The following CATSPER2 variants were observed in gnomAD, a reference collection of about 807,000 sequenced individuals.
The protein encoded by CATSPER2 is cation channel sperm-associated protein 2.
CATSPER2 carries 56 observed loss-of-function variants against 68.8 expected under a neutral mutation model. The ratio of observed to expected loss-of-function variants is 0.81; its 90% CI spans 0.66 to 1.02. The LOEUF (loss-of-function observed/expected upper bound fraction) is 1.02. CATSPER2 is among the 50% of genes least tolerant of loss of function. CATSPER2 has a pLI of 0.00. For synonymous variants in CATSPER2, 198 were observed against 229.9 expected (o/e 0.86, Z 1.26); for missense variants, 582 against 642.0 (o/e 0.91, Z 1.01).
rs568338241 is a variant in CATSPER2, at chr15:43,638,371, C to A, written c.842+533G>T. ...TGGCACTATATCGGCTCACTGCAAT[C>A]TCTGCCTCCCAGATTCAAGCAATTC... On this transcript the variant is annotated intron_variant, in intron 7 of 12. Transcript: ENST00000396879. Among the ~76,000 whole-genome samples the A allele has an allele frequency of 2.9e-5, 4 of 138,496 alleles. No individual in the cohort carries two copies. In the Admixed American group the frequency reaches 3.1e-4, roughly 11 times the overall value. 90.9% of individuals were successfully genotyped at this position (138,496 alleles called of 152,430 possible).
intron 4 of CATSPER2, among the ~76,000 whole-genome samples, chr15:43,643,751 C>T (rs531934691): frequency 1.3e-5 from 2 of 152,132 alleles, no homozygotes; most frequent in South Asian, 4.2e-4. Context: ...TTATATAGCA[C>T]ATCAAACCCT....
intron 7 of CATSPER2, among the ~76,000 whole-genome samples, chr15:43,636,971 C>G (rs945413064): frequency 6.6e-6 from 1 of 151,390 alleles, no homozygotes; most frequent in Non-Finnish European, 1.5e-5. Context: ...TACAGGCATG[C>G]GCCACCATGC....
Position 43,635,387 on chromosome 15 carries a change from G to T in CATSPER2, c.1151C>A (p.Thr384Lys). ...RRKNMSHEALTSSHSKIEDSS... is the reference protein window; with the variant it reads ...RRKNMSHEALKSSHSKIEDSS... ...GTCCTCTATTTTGCTATGGCTTGAC[G>T]TCAGTGCTTCATGTGACATGTTTTT... The change falls in exon 10 of 13, where the codon ACG becomes AAG. Residue 384 changes from threonine to lysine, a missense_variant. Physicochemically the swap from Thr to Lys is moderately conservative, Grantham distance 78. Coordinates refer to ENST00000396879, the MANE Select transcript of CATSPER2 (RefSeq NM_172095.4). 1 of 1,609,086 alleles carries T rather than the reference G, an allele frequency of 6.2e-7. No individual in the cohort carries two copies.
At chr15:43,632,136 C>T (rs1329045837) in intron 12 of CATSPER2, 63 bp downstream of exon 12, 17 of 1,553,682 alleles carry the variant, frequency 1.1e-5, no homozygotes, top group Non-Finnish European at 1.4e-5. Context: ...CCTCCTCCTT[C>T]TCCACAGCTA....
At chr15:43,640,635 CTCT>C (rs2086056552) in intron 4 of CATSPER2, 139 bp from the exon 5 acceptor site, 1 of 1,117,828 alleles carries the variant, frequency 8.9e-7, no homozygotes, top group Non-Finnish European at 1.3e-6. Flanking sequence ...TTAAGAGTTT[CTCT>C]TCTTAACACT....
At chr15:43,636,606 G>A (rs2085969059) in intron 7 of CATSPER2, among the ~76,000 whole-genome samples, 1 of 151,600 alleles carries the variant, frequency 6.6e-6, no homozygotes, top group Admixed American at 6.6e-5. Context: ...GGCCAGGCTG[G>A]TCTCGAACTC....
intron 6 of CATSPER2, 148 bp downstream of exon 6, chr15:43,639,495 G>A: frequency 8.2e-7 from 1 of 1,224,998 alleles, no homozygotes; most frequent in Non-Finnish European, 1.2e-6. Flanking sequence ...TCGAACTCCT[G>A]ACCTCATGAC....
At chr15:43,637,013 A>G (rs1294935261) in intron 7 of CATSPER2, among the ~76,000 whole-genome samples, 1 of 149,520 alleles carries the variant, frequency 6.7e-6, no homozygotes, top group African/African-American at 2.5e-5. Flanking sequence ...AGTAGAGACA[A>G]GGTTTCACCA....
In CATSPER2 at chr15:43,646,694, T is replaced by C. The variant is rs2086170300; in HGVS notation, c.388+356A>G. On this transcript the variant is annotated intron_variant, in intron 4 of 12. Transcript: ENST00000396879. The stretch of plus-strand genomic sequence containing the variant: ...TCAATTTAGAAAAAAAAATTACTCC[T>C]ACCCACTTCCTCTTTTTCTTTTTCT... Among the ~76,000 whole-genome samples, 4 of 150,626 alleles carry C rather than the reference T, an allele frequency of 2.7e-5. No individual in the cohort carries two copies. The South Asian group carries it at 6.3e-4, about 24-fold the overall frequency.
At position 43,640,501 on chromosome 15, in the gene CATSPER2, G is replaced by A. The variant is rs375184195; in HGVS notation, c.389-5C>T. Reference sequence around the variant, plus strand: ...TATTTGTGGATTCCAGCAATTCTGTGAAGATAGAGCAAAGGAGGAATAAAA... The same window carrying A: ...TATTTGTGGATTCCAGCAATTCTGTAAAGATAGAGCAAAGGAGGAATAAAA... On this transcript the variant is annotated splice_polypyrimidine_tract_variant and splice_region_variant and intron_variant, in intron 4 of 12. Coordinates refer to ENST00000396879, the MANE Select transcript of CATSPER2 (RefSeq NM_172095.4). 8.1e-6 allele frequency: 13 copies of A among 1,612,980 alleles called. 1 individual carries two copies. The African/African-American group carries it at 1.2e-4, about 15-fold the overall frequency.
At chr15:43,637,511 G>C (rs1327838995) in intron 7 of CATSPER2, 1 of 151,828 alleles carries the variant, frequency 6.6e-6, no homozygotes, top group African/African-American at 2.4e-5. Context: ...CTATCTGTTA[G>C]AATTTAACAG....
chr15:43,646,777 C>T (rs943607563), intron 4 of CATSPER2, among the ~76,000 whole-genome samples: 4 of 149,184 alleles, frequency 2.7e-5, no homozygotes, highest in African/African-American at 1.0e-4. Flanking sequence ...TGCAGTGGCA[C>T]AATCTCGGCT....
At chr15:43,641,105 T>C (rs918224277) in intron 4 of CATSPER2, among the ~76,000 whole-genome samples, 1 of 136,076 alleles carries the variant, frequency 7.3e-6, no homozygotes, top group Admixed American at 7.0e-5. Flanking sequence ...TTTGTTTTGT[T>C]TTGTTTTTTG....
At chr15:43,635,639 G>T in intron 9 of CATSPER2, 88 bp downstream of exon 9, 1 of 1,271,472 alleles carries the variant, frequency 7.9e-7, no homozygotes, top group Non-Finnish European at 1.1e-6. Context: ...TGTCACAAAG[G>T]GAAAAGTGGG....
At position 43,643,714 on chromosome 15, in the gene CATSPER2, T is replaced by C. The variant is rs2086111474; in HGVS notation, c.389-3218A>G. 2.6e-5 allele frequency among the ~76,000 whole-genome samples: 4 copies of C among 152,028 alleles called. No individual in the cohort carries two copies. The South Asian group carries it at 8.3e-4, about 32-fold the overall frequency. On this transcript the variant is annotated intron_variant, in intron 4 of 12. Coordinates refer to ENST00000396879, the MANE Select transcript of CATSPER2 (RefSeq NM_172095.4). ...TCAAGATGATGTTCATCTGATTCTA[T>C]AAATTCCATTCATTTGACCAAAAAC...
rs71460446 is a variant in CATSPER2 at position 43,638,286 on chromosome 15, CTTTTT to C, written c.842+613_842+617del. 7.3e-5 allele frequency among the ~76,000 whole-genome samples: 6 copies of C among 81,862 alleles called. 1 individual carries two copies. Among genetic ancestry groups the C allele is most frequent in the Admixed American group, 2.8e-4 (2 of 7,204 alleles). The allele number at this position is 81,862 out of a possible 152,430, so 53.7% of individuals were successfully genotyped here. On this transcript the variant is annotated intron_variant, in intron 7 of 12. Transcript: ENST00000396879. ...ATTTTTCTTTTCTTTTTCTTTCTTT[CTTTTT>C]TTTTTTTTTTTTTTTTGAGATGGAG...
At chr15:43,636,977 C>A (rs2085976563) in intron 7 of CATSPER2, among the ~76,000 whole-genome samples, 1 of 151,622 alleles carries the variant, frequency 6.6e-6, no homozygotes, top group Non-Finnish European at 1.5e-5. Flanking sequence ...CATGCGCCAC[C>A]ATGCCCAGCT....
upstream of CATSPER2, chr15:43,648,883 C>T (rs2086227225): frequency 2.0e-6 from 3 of 1,492,834 alleles, no homozygotes; most frequent in Non-Finnish European, 2.7e-6. Context: ...CCGCCCCGCC[C>T]CGCTCTCCGG....
At chr15:43,643,682 T>C (rs1299651778) in intron 4 of CATSPER2, among the ~76,000 whole-genome samples, 1 of 151,952 alleles carries the variant, frequency 6.6e-6, no homozygotes, top group African/African-American at 2.4e-5. Flanking sequence ...ATTCTGCAAG[T>C]ATAATCTCAA....
Sources: gnomAD v4.1 joint callset for allele counts (sites outside exome capture counted in the v4.1 genomes callset) on GRCh38, gnomAD v4.1.1 for gene constraint, MANE v1.5 for transcripts, NCBI Gene and HGNC (gene_info 2026-07-23, HGNC 2026-07-21) for gene names.